The following MRAS variants were observed in gnomAD, a reference collection of about 807,000 sequenced individuals.
The protein encoded by MRAS is ras-related protein M-Ras.
Under a neutral mutation model 20.9 loss-of-function variants are expected in MRAS, and 4 were observed. The observed-to-expected ratio is 0.19, with a 90% confidence interval of 0.09 to 0.44. MRAS has a LOEUF of 0.44. Among genes scored for constraint, MRAS ranks in the 20% least tolerant of loss-of-function variants. The probability of loss-of-function intolerance (pLI) is 0.99; values close to 1 mark genes in which losing one functional copy is unlikely to be tolerated. For synonymous variants in MRAS, 98 were observed against 102.9 expected, an observed-to-expected ratio of 0.95 and a Z score of 0.29; for missense variants, 154 against 277.5, an observed-to-expected ratio of 0.56 and a Z score of 3.16.
At chr3:138,387,239 T>G (rs945164103) in intron 2 of MRAS, among the ~76,000 whole-genome samples, 3 of 152,232 alleles carry the variant, frequency 2.0e-5, no homozygotes, top group African/African-American at 7.2e-5. Context: ...AGTGCACTCA[T>G]GAGTTTTCTC....
At chr3:138,356,368 CT>C (rs1290317778) in intron 1 of MRAS, among the ~76,000 whole-genome samples, 1 of 152,170 alleles carries the variant, frequency 6.6e-6, no homozygotes, top group Non-Finnish European at 1.5e-5. Flanking sequence ...AGATTCTTGC[CT>C]CTCAAAAGCA....
rs2055393708 is a variant in MRAS at position 138,403,142 on chromosome 3, A to G, written c.*873A>G. 6.6e-6 allele frequency: 1 copy of G among 152,354 alleles called. No homozygotes were observed. The highest frequency in any genetic ancestry group is 1.5e-5 in the Non-Finnish European group (1 of 68,044). The allele number at this position is 152,354 out of a possible 1,614,324, so 9.4% of individuals were successfully genotyped here. A position where few individuals can be genotyped will look rare whatever the true frequency, so the allele number is the denominator to read the frequency against. On this transcript the variant is annotated 3_prime_UTR_variant, in exon 6 of 6. Coordinates refer to ENST00000423968, the MANE Select transcript of MRAS (RefSeq NM_001085049.3). The stretch of plus-strand genomic sequence containing the variant: ...ACTAAAGTAAGCTGATTGGCTTTGC[A>G]AACATGTTCATTTGTTTTTCAGACA...
chr3:138,357,517 A>T (rs1448328557), intron 1 of MRAS, among the ~76,000 whole-genome samples: 1 of 152,274 alleles, frequency 6.6e-6, no homozygotes, highest in Non-Finnish European at 1.5e-5. Context: ...ATGAAGAGGT[A>T]CATCCCCCAG....
chr3:138,362,444 G>A (rs972428650), intron 1 of MRAS, among the ~76,000 whole-genome samples: 4 of 152,072 alleles, frequency 2.6e-5, no homozygotes, highest in African/African-American at 9.7e-5. Context: ...CTGTTCCTCC[G>A]TGACCCTATT....
rs566299958 is a variant in MRAS, at chr3:138,400,474, G to C, written c.448-60G>C. 2.7e-6 allele frequency: 4 copies of C among 1,489,134 alleles called. No individual in the cohort carries two copies. In the Admixed American group the frequency reaches 5.0e-5, roughly 19 times the overall value. 92.2% of individuals were successfully genotyped at this position (1,489,134 alleles called of 1,614,324 possible). On this transcript the variant is annotated intron_variant, in intron 4 of 5. Coordinates refer to ENST00000423968, the MANE Select transcript of MRAS (RefSeq NM_001085049.3). ...TCAGAACCTCTGGGCATTTTTAAGG[G>C]TGTAACAGGGCTTTGAGGATCTCTG...
intron 2 of MRAS, among the ~76,000 whole-genome samples, chr3:138,375,828 C>T (rs2054772277): frequency 6.6e-6 from 1 of 152,032 alleles, no homozygotes; most frequent in Non-Finnish European, 1.5e-5. Context: ...TTGAGACTTG[C>T]CTGGGCAACG....
Position 138,350,719 on chromosome 3 carries a change from C to G in MRAS, c.-19+1952C>G, listed in dbSNP as rs565926831. On this transcript the variant is annotated intron_variant, in intron 1 of 5. Transcript: ENST00000423968. ...TAGCTCTAGCCACTGGTATTTCATA[C>G]TCAGTTCGTCTGAGCTACTTATAAA... Among the ~76,000 whole-genome samples the G allele has an allele frequency of 6.6e-5, 10 of 152,218 alleles. No individual in the cohort carries two copies. In the South Asian group the frequency reaches 1.9e-3, roughly 28 times the overall value.
chr3:138,366,578 G>A (rs1353749120), intron 1 of MRAS, among the ~76,000 whole-genome samples: 4 of 152,230 alleles, frequency 2.6e-5, no homozygotes, highest in Non-Finnish European at 2.9e-5. Context: ...CCTAAGGTCA[G>A]GGCCAAGGGA....
At chr3:138,390,529 T>C (rs1415613095) in intron 2 of MRAS, among the ~76,000 whole-genome samples, 2 of 152,254 alleles carry the variant, frequency 1.3e-5, no homozygotes, top group African/African-American at 4.8e-5. Context: ...TCCTCCTACC[T>C]TCATGACATC....
intron 1 of MRAS, among the ~76,000 whole-genome samples, chr3:138,353,050 T>A (rs2054260945): frequency 6.6e-6 from 1 of 152,282 alleles, no homozygotes; most frequent in African/African-American, 2.4e-5. Flanking sequence ...AGGAGCCCCC[T>A]GAGTGTATTA....
At chr3:138,354,588 T>C (rs1437700404) in intron 1 of MRAS, among the ~76,000 whole-genome samples, 3 of 152,214 alleles carry the variant, frequency 2.0e-5, no homozygotes, top group African/African-American at 7.2e-5. Context: ...TGTTTTTGGC[T>C]ATGATCTTTT....
chr3:138,384,408 G>A (rs1471243182), intron 2 of MRAS, among the ~76,000 whole-genome samples: 17 of 152,110 alleles, frequency 1.1e-4, no homozygotes, highest in Non-Finnish European at 2.5e-4. Flanking sequence ...GGTAGATTCT[G>A]GTTGTGTTTT....
At chr3:138,349,496 T>A (rs1576331482) in intron 1 of MRAS, 1 of 152,370 alleles carries the variant, frequency 6.6e-6, no homozygotes, top group Non-Finnish European at 1.5e-5. Context: ...GGCCGCAGCG[T>A]ATACACTGGA....
chr3:138,397,223 C>A lies in MRAS; in HGVS notation c.194-101C>A, dbSNP rs1019738702. On this transcript the variant is annotated intron_variant, in intron 2 of 5. Coordinates refer to ENST00000423968, the MANE Select transcript of MRAS (RefSeq NM_001085049.3). ...CTCTCACGGGACAGCTCGGACTGGG[C>A]CACGGTAGGGACAGCAGCAGCAGCA... 2.8e-6 allele frequency: 4 copies of A among 1,419,776 alleles called. No homozygotes were observed. The Admixed American group carries it at 6.1e-5, about 21-fold the overall frequency. The allele number at this position is 1,419,776 out of a possible 1,614,324, so 87.9% of individuals were successfully genotyped here. A position where few individuals can be genotyped will look rare whatever the true frequency, so the allele number is the denominator to read the frequency against.
intron 1 of MRAS, among the ~76,000 whole-genome samples, chr3:138,355,101 A>G (rs1560160041): frequency 6.6e-6 from 1 of 152,028 alleles, no homozygotes; most frequent in Non-Finnish European, 1.5e-5. Flanking sequence ...TACATTATAT[A>G]CTCTAAAGTA....
At chr3:138,377,884 T>A (rs2054818534) in intron 2 of MRAS, among the ~76,000 whole-genome samples, 1 of 152,276 alleles carries the variant, frequency 6.6e-6, no homozygotes. Context: ...ACATTGCATT[T>A]GCTGTCTTTG....
At chr3:138,358,279 C>A (rs2054375128) in intron 1 of MRAS, among the ~76,000 whole-genome samples, 1 of 151,720 alleles carries the variant, frequency 6.6e-6, no homozygotes, top group Non-Finnish European at 1.5e-5. Context: ...AGAGTCTGCA[C>A]TGAGCCAAGA....
At chr3:138,385,156 ATT>A (rs34770279) in intron 2 of MRAS, among the ~76,000 whole-genome samples, 10,310 of 66,406 alleles carry the variant, frequency 0.16, 677 homozygotes, top group African/African-American at 0.19. Flanking sequence ...TTGATTTGTA[ATT>A]TTTTTTTTTT....
At chr3:138,367,013 A>T (rs1004571386) in intron 1 of MRAS, among the ~76,000 whole-genome samples, 3 of 152,168 alleles carry the variant, frequency 2.0e-5, no homozygotes, top group African/African-American at 7.2e-5. Context: ...TAGAACCTGG[A>T]AGCCTGAGGA....
Sources: gnomAD v4.1 joint callset for allele counts (sites outside exome capture counted in the v4.1 genomes callset) on GRCh38, gnomAD v4.1.1 for gene constraint, MANE v1.5 for transcripts, NCBI Gene and HGNC (gene_info 2026-07-23, HGNC 2026-07-21) for gene names.